REV3L: variants seen among roughly 807,000 people sequenced by gnomAD.
REV3L encodes DNA polymerase zeta catalytic subunit.
A neutral mutation model predicts 299.4 loss-of-function variants in REV3L; 69 were observed. That is an observed-to-expected ratio of 0.23 (90% CI 0.19 to 0.28). The LOEUF (loss-of-function observed/expected upper bound fraction) is 0.28, where lower values mean the gene tolerates loss of function less well. Among genes scored for constraint, REV3L ranks in the 10% least tolerant of loss-of-function variants. The pLI, the probability that REV3L is intolerant of heterozygous loss-of-function variation, is 1.00. For missense variants in REV3L, 3,128 were observed against 3,693.8 expected, an observed-to-expected ratio of 0.85 and a Z score of 3.97; for synonymous variants, 1,238 against 1,271.4, an observed-to-expected ratio of 0.97 and a Z score of 0.56.
intron 30 of REV3L, 81 bp from the exon 31 acceptor site, chr6:111,307,651 T>C: frequency 1.5e-6 from 2 of 1,306,384 alleles, no homozygotes; most frequent in Admixed American, 1.8e-5. Flanking sequence ...ACAGGTTTAC[T>C]CAGGCATTCA....
intron 25 of REV3L, among the ~76,000 whole-genome samples, chr6:111,327,821 A>G (rs1335972948): frequency 6.6e-6 from 1 of 152,234 alleles, no homozygotes; most frequent in Admixed American, 6.5e-5. Flanking sequence ...CAAGTTAACA[A>G]TATTAAGTTT....
rs187499458 is a variant in REV3L at position 111,468,482 on chromosome 6, G to A, written c.139+14268C>T. Among the ~76,000 whole-genome samples the A allele has an allele frequency of 3.4e-4, 52 of 152,146 alleles. 1 individual carries two copies. The East Asian group carries it at 3.9e-3, about 11-fold the overall frequency. On this transcript the variant is annotated intron_variant, in intron 1 of 31. Transcript: ENST00000368802. ...AAAATGGGTAAAAGATAAACAGTAC[G>A]CTGAGAAGGAAATACCATAAGGGCC... is the stretch of plus-strand genomic sequence containing the variant.
intron 1 of REV3L, among the ~76,000 whole-genome samples, chr6:111,475,004 C>T (rs986105078): frequency 6.6e-5 from 10 of 151,762 alleles, no homozygotes; most frequent in South Asian, 4.2e-4. Flanking sequence ...CACACACACA[C>T]ACACACACAC....
Position 111,359,102 on chromosome 6 carries a change from G to GT in REV3L, c.6880-89dup, listed in dbSNP as rs1282763737. The GT allele has an allele frequency of 3.7e-6, 4 of 1,082,608 alleles. No homozygotes were observed. In the Admixed American group the frequency reaches 1.1e-4, roughly 29 times the overall value. The allele number at this position is 1,082,608 out of a possible 1,614,324, so 67.1% of individuals were successfully genotyped here. On this transcript the variant is annotated intron_variant, in intron 16 of 31. Coordinates refer to ENST00000368802, the MANE Select transcript of REV3L (RefSeq NM_001372078.1). ...TGTAAGGCTCTAGGGAAATATGTAT[G>GT]TAAGATTACAGAAAAAATGGACATA...
chr6:111,406,973 CTTAGAT>C (rs1783705531), intron 3 of REV3L, among the ~76,000 whole-genome samples: 1 of 152,026 alleles, frequency 6.6e-6, no homozygotes, highest in African/African-American at 2.4e-5. Context: ...AAGAAATTAT[CTTAGAT>C]TTAAAAATCA....
At chr6:111,439,620 A>G (rs1179415037) in intron 1 of REV3L, among the ~76,000 whole-genome samples, 1 of 152,230 alleles carries the variant, frequency 6.6e-6, no homozygotes, top group Non-Finnish European at 1.5e-5. Flanking sequence ...GTCTTCTCTT[A>G]TTCTACCCAA....
Position 111,311,057 on chromosome 6 carries a change from G to A in REV3L, c.8795+12C>T, listed in dbSNP as rs1036510976. 1 of 1,604,776 alleles carries A rather than the reference G, an allele frequency of 6.2e-7. No homozygotes were observed. Among genetic ancestry groups the A allele is most frequent in the East Asian group, 2.2e-5 (1 of 44,806 alleles). On this transcript the variant is annotated intron_variant, in intron 29 of 31. Coordinates refer to ENST00000368802, the MANE Select transcript of REV3L (RefSeq NM_001372078.1). ...CAGGACTATCCTGGCAAGGTACTGA[G>A]GGTATCATTACCTTGTAAGTTCAAG...
In REV3L at chr6:111,365,344, T is replaced by C. The variant is rs1779084768; in HGVS notation, c.6674A>G (p.Glu2225Gly). 1.3e-6 allele frequency: 2 copies of C among 1,539,416 alleles called. No homozygotes were observed. Among genetic ancestry groups the C allele is most frequent in the Middle Eastern group, 3.4e-4 (2 of 5,822 alleles). The change falls in exon 15 of 32, where the codon GAA becomes GGA. Residue 2225 changes from glutamate to glycine, a missense_variant and splice_region_variant. Physicochemically the swap from Glu to Gly is moderately conservative, Grantham distance 98. Around this residue, in one of 9 missense-constraint regions of REV3L, gnomAD observed 2,409 missense variants for 2,611.8 expected, o/e 0.92. Coordinates refer to ENST00000368802, the MANE Select transcript of REV3L (RefSeq NM_001372078.1). ...EAPGLSPLST[E>G]PKTQKLSNKK... ...ATTACTCAACTTCTGTGTTTTTGGT[T>C]CTGTAGAAAGAAATTTAATATTTAA...
chr6:111,458,991 A>G (rs1444454708), intron 1 of REV3L, among the ~76,000 whole-genome samples: 1 of 152,132 alleles, frequency 6.6e-6, no homozygotes, highest in African/African-American at 2.4e-5. Context: ...CCTAAGCAAA[A>G]AGAAAAAACC....
chr6:111,359,520 G>GAGA, intron 16 of REV3L, among the ~76,000 whole-genome samples: 1 of 102,592 alleles, frequency 9.7e-6, no homozygotes, highest in South Asian at 3.4e-4. Flanking sequence ...AGTTTTTCCT[G>GAGA]AAAAAAAAAA....
At chr6:111,351,590 G>T in intron 19 of REV3L, 86 bp downstream of exon 19, 1 of 986,726 alleles carries the variant, frequency 1.0e-6, no homozygotes, top group Non-Finnish European at 1.5e-6. Context: ...TTGGGCTACA[G>T]CATAAGTACT....
chr6:111,390,197 T>C lies in REV3L; in HGVS notation c.663-17A>G. 7.0e-7 allele frequency: 1 copy of C among 1,437,914 alleles called. No homozygotes were observed. Among genetic ancestry groups the C allele is most frequent in the Non-Finnish European group, 9.8e-7 (1 of 1,021,962 alleles). 89.1% of individuals were successfully genotyped at this position (1,437,914 alleles called of 1,614,324 possible). Reference sequence around the variant, plus strand: ...ATTAAAGAGCTGCAATTAAAGGATATAAAAAACATAATAATTATGTGAGAG... The same window carrying C: ...ATTAAAGAGCTGCAATTAAAGGATACAAAAAACATAATAATTATGTGAGAG... On this transcript the variant is annotated splice_polypyrimidine_tract_variant and intron_variant, in intron 5 of 31. Coordinates refer to ENST00000368802, the MANE Select transcript of REV3L (RefSeq NM_001372078.1).
Position 111,300,030 on chromosome 6 carries a change from A to G in REV3L, c.9379T>C (p.Leu3127=). 1 of 1,612,944 alleles carries G rather than the reference A, an allele frequency of 6.2e-7. No individual in the cohort carries two copies. The highest frequency in any genetic ancestry group is 8.5e-7 in the Non-Finnish European group (1 of 1,179,494). Residue 3127 remains leucine, a synonymous_variant, in exon 32 of 32, where the codon TTA becomes CTA. Coordinates refer to ENST00000368802, the MANE Select transcript of REV3L (RefSeq NM_001372078.1). The part of the protein sequence containing the change: ...LSKAPYLRQL[L]DQF ...ATATTGACAATTTAAAACTGGTCTA[A>G]TAACTGCCGGAGATATGGTGCCTTG... is the stretch of plus-strand genomic sequence containing the variant.
chr6:111,475,139 TG>T (rs201369889), intron 1 of REV3L, among the ~76,000 whole-genome samples: 1 of 108,904 alleles, frequency 9.2e-6, no homozygotes, highest in Non-Finnish European at 1.7e-5. Context: ...TCATGCCTCT[TG>T]CTTTTTTTCC....
chr6:111,426,145 T>C (rs1786152640), intron 1 of REV3L, among the ~76,000 whole-genome samples: 1 of 152,184 alleles, frequency 6.6e-6, no homozygotes, highest in African/African-American at 2.4e-5. Flanking sequence ...AGCAGTACTA[T>C]CGGACAGAAC....
In REV3L at chr6:111,464,520, G is replaced by T. The variant is rs1791182864; in HGVS notation, c.139+18230C>A. Reference sequence around the variant, plus strand: ...TTTAGAAACAGAAAAAATGTAAAAAGTATATGCTGTGTGTTCTCAACAACA... The same window carrying T: ...TTTAGAAACAGAAAAAATGTAAAAATTATATGCTGTGTGTTCTCAACAACA... On this transcript the variant is annotated intron_variant, in intron 1 of 31. Coordinates refer to ENST00000368802, the MANE Select transcript of REV3L (RefSeq NM_001372078.1). 3.3e-5 allele frequency among the ~76,000 whole-genome samples: 5 copies of T among 152,170 alleles called. 1 individual carries two copies. The South Asian group carries it at 1.0e-3, about 32-fold the overall frequency.
chr6:111,478,468 T>C, intron 1 of REV3L, among the ~76,000 whole-genome samples: 1 of 152,322 alleles, frequency 6.6e-6, no homozygotes, highest in East Asian at 1.9e-4. Context: ...CCAATAATTG[T>C]AATCAAATAG....
chr6:111,483,057 T>C lies in REV3L; in HGVS notation c.-169A>G, dbSNP rs995062074. On this transcript the variant is annotated 5_prime_UTR_variant, in exon 1 of 32. Transcript: ENST00000368802. Reference sequence around the variant, plus strand: ...GCGGCGGGCGGGGCGGTGTAGGCGCTGCTGCCGCCGCCTCCTCAGGAGCAC... The same window carrying C: ...GCGGCGGGCGGGGCGGTGTAGGCGCCGCTGCCGCCGCCTCCTCAGGAGCAC... The C allele has an allele frequency of 5.0e-6, 4 of 805,044 alleles. No individual in the cohort carries two copies. Among genetic ancestry groups the C allele is most frequent in the African/African-American group, 3.7e-5 (2 of 54,528 alleles). The allele number at this position is 805,044 out of a possible 1,614,324, so 49.9% of individuals were successfully genotyped here.
intron 1 of REV3L, among the ~76,000 whole-genome samples, chr6:111,418,895 TA>T (rs1339119257): frequency 6.6e-6 from 1 of 152,134 alleles, no homozygotes; most frequent in Non-Finnish European, 1.5e-5. Context: ...TTAAATGAAT[TA>T]AAGAACCCAC....
Sources: gnomAD v4.1 joint callset for allele counts (sites outside exome capture counted in the v4.1 genomes callset) on GRCh38, gnomAD v4.1.1 for gene constraint, gnomAD v4.1.1 regional missense constraint, MANE v1.5 for transcripts, NCBI Gene and HGNC (gene_info 2026-07-23, HGNC 2026-07-21) for gene names.